The following SMG7 variants were observed in gnomAD, a reference collection of about 807,000 sequenced individuals.
SMG7 encodes nonsense-mediated mRNA decay factor SMG7.
SMG7 carries 34 observed loss-of-function variants against 148.2 expected under a neutral mutation model. That is an observed-to-expected ratio of 0.23 (90% confidence interval 0.17 to 0.31). The LOEUF (loss-of-function observed/expected upper bound fraction) is 0.31, where lower values mean the gene tolerates loss of function less well. Ranked by LOEUF, SMG7 falls within the 10% of genes least tolerant of loss-of-function variation. The pLI is 1.00. For synonymous variants in SMG7, 492 were observed against 515.1 expected, an observed-to-expected ratio of 0.96 and a Z score of 0.61; for missense variants, 1,114 against 1,408.4, an observed-to-expected ratio of 0.79 and a Z score of 3.35.
intron 1 of SMG7, among the ~76,000 whole-genome samples, chr1:183,487,005 A>G (rs764105243): frequency 3.3e-5 from 5 of 152,208 alleles, no homozygotes; most frequent in Admixed American, 6.5e-5. Flanking sequence ...GTTGCAAGGA[A>G]CAGAAAAAAC....
At chr1:183,535,974 T>C (rs1667702736) in intron 10 of SMG7, among the ~76,000 whole-genome samples, 1 of 152,112 alleles carries the variant, frequency 6.6e-6, no homozygotes, top group African/African-American at 2.4e-5. Context: ...TATGTGTATA[T>C]ATTTGTTGAT....
intron 12 of SMG7, among the ~76,000 whole-genome samples, chr1:183,539,496 A>G (rs953679580): frequency 3.3e-5 from 5 of 151,922 alleles, no homozygotes; most frequent in Non-Finnish European, 7.4e-5. Context: ...ATCCATCCCT[A>G]TGTCTCTTGA....
chr1:183,523,240 A>AG (rs1665151040), intron 4 of SMG7, among the ~76,000 whole-genome samples: 1 of 152,206 alleles, frequency 6.6e-6, no homozygotes, highest in South Asian at 2.1e-4. Flanking sequence ...CATGGAATAA[A>AG]GAGCTGAGGA....
chr1:183,501,729 T>C (rs1659763402), intron 1 of SMG7, among the ~76,000 whole-genome samples: 1 of 152,188 alleles, frequency 6.6e-6, no homozygotes, highest in Non-Finnish European at 1.5e-5. Flanking sequence ...ATGGTACACT[T>C]AGTCCTTAAC....
Position 183,553,255 on chromosome 1 carries a change from A to G in SMG7, c.*1324A>G. ...AAGAGGACTGAAAATGTTCTTGTGT[A>G]GAAACAGAAGGACAGCATTTCTGTT... On this transcript the variant is annotated 3_prime_UTR_variant, in exon 23 of 23. Coordinates refer to ENST00000688051, the MANE Select transcript of SMG7 (RefSeq NM_001375584.1). The G allele has an allele frequency of 6.9e-7, 1 of 1,452,094 alleles. No individual in the cohort carries two copies. The allele number at this position is 1,452,094 out of a possible 1,614,324, so 90.0% of individuals were successfully genotyped here.
intron 1 of SMG7, among the ~76,000 whole-genome samples, chr1:183,509,212 G>C (rs949224829): frequency 1.3e-5 from 2 of 152,042 alleles, no homozygotes; most frequent in Middle Eastern, 3.2e-3. Flanking sequence ...TCCACAAGCC[G>C]ACCACGGCAT....
chr1:183,472,606 C>A lies in SMG7; in HGVS notation c.-15C>A. The A allele has an allele frequency of 6.9e-7, 1 of 1,439,298 alleles. No homozygotes were observed. The highest frequency in any genetic ancestry group is 9.2e-7 in the Non-Finnish European group (1 of 1,083,922). The allele number at this position is 1,439,298 out of a possible 1,614,324, so 89.2% of individuals were successfully genotyped here. A position where few individuals can be genotyped will look rare whatever the true frequency, so the allele number is the denominator to read the frequency against. Reference sequence around the variant, plus strand: ...ACGGAGGCTTCGCGGGAAGACGCGGCGGCGGCGGCGGAGGATGAGCCTGCA... The same window carrying A: ...ACGGAGGCTTCGCGGGAAGACGCGGAGGCGGCGGCGGAGGATGAGCCTGCA... On this transcript the variant is annotated 5_prime_UTR_variant, in exon 1 of 23. Transcript: ENST00000688051.
At chr1:183,482,508 G>A (rs897694339) in intron 1 of SMG7, among the ~76,000 whole-genome samples, 1 of 151,982 alleles carries the variant, frequency 6.6e-6, no homozygotes, top group African/African-American at 2.4e-5. Context: ...GTGTTAGTGA[G>A]TACAGTAGTC....
rs1263291974 is a variant in SMG7 at position 183,551,746 on chromosome 1, C to T, written c.3451-72C>T. On this transcript the variant is annotated intron_variant, in intron 22 of 22. Transcript: ENST00000688051. The stretch of plus-strand genomic sequence containing the variant: ...GCCATATATATGCCTTTATATTTGG[C>T]TGGGATTGAAAAATCCCTTTCAGAC... 9 of 1,205,232 alleles carry T rather than the reference C, an allele frequency of 7.5e-6. No individual in the cohort carries two copies. The Admixed American group carries it at 1.5e-4, about 20-fold the overall frequency. 74.7% of individuals were successfully genotyped at this position (1,205,232 alleles called of 1,614,324 possible).
chr1:183,549,956 A>G, intron 20 of SMG7, 33 bp downstream of exon 20: 1 of 1,515,644 alleles, frequency 6.6e-7, no homozygotes, highest in African/African-American at 1.4e-5. Flanking sequence ...TAGACCTTAC[A>G]TTTCCTGTAC....
At chr1:183,478,409 T>C (rs1653213040) in intron 1 of SMG7, among the ~76,000 whole-genome samples, 1 of 152,204 alleles carries the variant, frequency 6.6e-6, no homozygotes, top group Non-Finnish European at 1.5e-5. Context: ...ACAGTGTTAA[T>C]AGCTTATTAC....
At chr1:183,477,705 T>C (rs1652901419) in intron 1 of SMG7, among the ~76,000 whole-genome samples, 1 of 149,838 alleles carries the variant, frequency 6.7e-6, no homozygotes, top group African/African-American at 2.5e-5. Flanking sequence ...TATATATGCA[T>C]ATATACGTGT....
chr1:183,535,550 A>T (rs1030104041), intron 10 of SMG7, among the ~76,000 whole-genome samples: 1 of 152,180 alleles, frequency 6.6e-6, no homozygotes, highest in Non-Finnish European at 1.5e-5. Context: ...ATGTTCATTT[A>T]TATCTTTTAA....
At chr1:183,502,473 T>C in intron 1 of SMG7, 1 of 1,118,042 alleles carries the variant, frequency 8.9e-7, no homozygotes, top group Non-Finnish European at 1.2e-6. Context: ...TGAATACTAA[T>C]AAAATTAGAA....
intron 1 of SMG7, among the ~76,000 whole-genome samples, chr1:183,477,557 T>TGC: frequency 6.7e-6 from 1 of 148,738 alleles, no homozygotes; most frequent in South Asian, 2.2e-4. Context: ...TATACGTGTG[T>TGC]GCATATGTGT....
intron 1 of SMG7, among the ~76,000 whole-genome samples, chr1:183,491,919 A>G (rs1262867899): frequency 6.6e-6 from 1 of 152,184 alleles, no homozygotes; most frequent in African/African-American, 2.4e-5. Flanking sequence ...CTGTGTCCAC[A>G]TATGGCAGAA....
chr1:183,550,944 A>G, intron 21 of SMG7, 23 bp downstream of exon 21: 2 of 1,613,992 alleles, frequency 1.2e-6, no homozygotes, highest in South Asian at 1.1e-5. Context: ...TTTCATTGCC[A>G]GGCAAAATTG....
intron 2 of SMG7, among the ~76,000 whole-genome samples, chr1:183,514,524 A>G (rs962349482): frequency 2.6e-5 from 4 of 152,122 alleles, no homozygotes; most frequent in African/African-American, 4.8e-5. Context: ...TGAAAACATA[A>G]TCTATTGTGT....
In SMG7 at chr1:183,547,544, C is replaced by G. The variant is rs569329512; in HGVS notation, c.2892+292C>G. ...ACGATGTGATGGTGACAAATTAACT[C>G]ACTTTGCAGGTGACACTTCCATCTG... On this transcript the variant is annotated intron_variant, in intron 18 of 22. Transcript: ENST00000688051. Among the ~76,000 whole-genome samples the G allele has an allele frequency of 1.1e-4, 17 of 152,326 alleles. No individual in the cohort carries two copies. The South Asian group carries it at 3.5e-3, about 32-fold the overall frequency.
Sources: gnomAD v4.1 joint callset for allele counts (sites outside exome capture counted in the v4.1 genomes callset) on GRCh38, gnomAD v4.1.1 for gene constraint, MANE v1.5 for transcripts, NCBI Gene and HGNC (gene_info 2026-07-23, HGNC 2026-07-21) for gene names.